Variants in NCS1 observed in about 807,000 individuals in gnomAD.
NCS1 encodes frequenin homolog.
Under a neutral mutation model 28.4 loss-of-function variants are expected in NCS1, and 6 were observed. The ratio of observed to expected loss-of-function variants is 0.21; its 90% CI spans 0.12 to 0.42. The LOEUF is 0.42. Ranked by LOEUF, NCS1 falls within the 10% of genes least tolerant of loss-of-function variation. The pLI is 1.00. For missense variants in NCS1, 131 were observed against 241.4 expected (o/e 0.54, Z 3.03); for synonymous variants, 86 against 99.3 (o/e 0.87, Z 0.79).
intron 1 of NCS1, among the ~76,000 whole-genome samples, chr9:130,185,330 C>A (rs574134389): frequency 4.8e-4 from 73 of 152,392 alleles, no homozygotes; most frequent in African/African-American, 1.7e-3. Context: ...AATGAGAAAA[C>A]AAGTACATAA....
At chr9:130,201,096 C>T in intron 2 of NCS1, 114 bp downstream of exon 2, 2 of 1,411,290 alleles carry the variant, frequency 1.4e-6, no homozygotes, top group Non-Finnish European at 1.0e-6. Context: ...GTGGAGGGGC[C>T]CCTGAGCGTG....
intron 1 of NCS1, among the ~76,000 whole-genome samples, chr9:130,194,294 C>G (rs920128852): frequency 4.8e-5 from 7 of 145,446 alleles, no homozygotes; most frequent in African/African-American, 1.8e-4. Flanking sequence ...GGAGGAGGAG[C>G]TGGAGTAGAG....
intron 1 of NCS1, among the ~76,000 whole-genome samples, chr9:130,196,517 A>G (rs1832880227): frequency 6.6e-6 from 1 of 152,146 alleles, no homozygotes; most frequent in African/African-American, 2.4e-5. Flanking sequence ...GGCGGATGGA[A>G]CACTTGAGGT....
chr9:130,188,010 G>T (rs1832762676), intron 1 of NCS1, among the ~76,000 whole-genome samples: 1 of 152,212 alleles, frequency 6.6e-6, no homozygotes, highest in Admixed American at 6.5e-5. Flanking sequence ...GATCCAAAGT[G>T]GGGAGATGGG....
chr9:130,202,414 A>G (rs910816714), intron 2 of NCS1, among the ~76,000 whole-genome samples: 1 of 134,546 alleles, frequency 7.4e-6, no homozygotes, highest in Non-Finnish European at 1.5e-5. Flanking sequence ...TCCCTGGGAC[A>G]GCCGATGACT....
rs1554909846 is a variant in NCS1 at position 130,219,192 on chromosome 9, T to C, written c.229-533T>C. Among the ~76,000 whole-genome samples, 1 of 152,106 alleles carries C rather than the reference T, an allele frequency of 6.6e-6. No individual in the cohort carries two copies. The highest frequency in any genetic ancestry group is 2.4e-5 in the African/African-American group (1 of 41,412). On this transcript the variant is annotated intron_variant, in intron 3 of 7. Coordinates refer to ENST00000372398, the MANE Select transcript of NCS1 (RefSeq NM_014286.4). This position sits in a 1 kb window ranked among gnomAD's most constrained non-coding sequence, Gnocchi z 5.7. Reference sequence around the variant, plus strand: ...TCTGTACCCCCTGCTGCTGGCACCGTGGAGGTTTCTATTCTATCCCATCCC... The same window carrying C: ...TCTGTACCCCCTGCTGCTGGCACCGCGGAGGTTTCTATTCTATCCCATCCC...
intron 2 of NCS1, among the ~76,000 whole-genome samples, chr9:130,210,269 C>T (rs961025017): frequency 3.9e-5 from 6 of 151,918 alleles, no homozygotes; most frequent in South Asian, 4.2e-4. Context: ...CATGGTGGCA[C>T]GCACCTGTAG....
intron 1 of NCS1, among the ~76,000 whole-genome samples, chr9:130,195,325 C>T (rs925643925): frequency 3.1e-4 from 47 of 152,328 alleles, no homozygotes; most frequent in African/African-American, 1.1e-3. Context: ...CCCGTTGGCC[C>T]TCTGTCGTGG....
intron 1 of NCS1, among the ~76,000 whole-genome samples, chr9:130,187,044 C>T (rs971274092): frequency 5.9e-5 from 9 of 152,214 alleles, no homozygotes; most frequent in South Asian, 4.2e-4. Flanking sequence ...CCTGGAGAGG[C>T]GGGGCGGGGG....
At chr9:130,203,419 TTGAATGAGGGA>T (rs1371241103) in intron 2 of NCS1, among the ~76,000 whole-genome samples, 3 of 152,230 alleles carry the variant, frequency 2.0e-5, no homozygotes, top group African/African-American at 7.2e-5. Flanking sequence ...GTGTGAATAT[TTGAATGAGGGA>T]TGAATGAGTG....
At chr9:130,195,951 C>G (rs1455846790) in intron 1 of NCS1, among the ~76,000 whole-genome samples, 3 of 152,194 alleles carry the variant, frequency 2.0e-5, no homozygotes, top group Admixed American at 6.5e-5. Flanking sequence ...CCCAGACCCA[C>G]CGAGGGAGGC....
At chr9:130,199,897 GTTCA>G (rs71499223) in intron 1 of NCS1, among the ~76,000 whole-genome samples, 242 of 150,620 alleles carry the variant, frequency 1.6e-3, no homozygotes, top group Admixed American at 4.0e-3. Context: ...CTGTTCATGT[GTTCA>G]TTCATTCATT....
chr9:130,183,294 TGACCATGCGGCTGGG>T (rs1364123440), intron 1 of NCS1, among the ~76,000 whole-genome samples: 1 of 145,362 alleles, frequency 6.9e-6, no homozygotes, highest in Admixed American at 7.0e-5. Context: ...CCGGGTGCCC[TGACCATGCGGCTGGG>T]GGGGGGAGCT....
rs1429473859 is a variant in NCS1, at chr9:130,233,625, A to G, written c.*653A>G. On this transcript the variant is annotated 3_prime_UTR_variant, in exon 8 of 8. Coordinates refer to ENST00000372398, the MANE Select transcript of NCS1 (RefSeq NM_014286.4). This position sits in a 1 kb window ranked among gnomAD's most constrained non-coding sequence, Gnocchi z 4.8. The stretch of plus-strand genomic sequence containing the variant: ...TGGGGAAAGTGAGGTTTTTTTTTAT[A>G]TACATATATAATTGATATCTTTAAT... 1 of 151,068 alleles carries G rather than the reference A, an allele frequency of 6.6e-6. No homozygotes were observed. The highest frequency in any genetic ancestry group is 1.5e-5 in the Non-Finnish European group (1 of 67,688). The allele number at this position is 151,068 out of a possible 1,614,324, so 9.4% of individuals were successfully genotyped here. A position where few individuals can be genotyped will look rare whatever the true frequency, so the allele number is the denominator to read the frequency against.
At chr9:130,200,850 G>A (rs887535) in intron 1 of NCS1, 108 bp from the exon 2 acceptor site, 1,436,671 of 1,517,144 alleles carry the variant, frequency 0.95, 680,656 homozygotes, top group East Asian at 1. Flanking sequence ...CCGGGGACAT[G>A]GCCGTGGGGA....
chr9:130,225,508 T>C (rs1833399633), intron 6 of NCS1, among the ~76,000 whole-genome samples: 1 of 152,232 alleles, frequency 6.6e-6, no homozygotes, highest in African/African-American at 2.4e-5. Flanking sequence ...TGCACTTCCG[T>C]CATTTTGGGA....
At chr9:130,173,111 G>A (rs1301876414) in intron 1 of NCS1, among the ~76,000 whole-genome samples, 2 of 152,054 alleles carry the variant, frequency 1.3e-5, no homozygotes, top group African/African-American at 4.8e-5. Flanking sequence ...TGGCACGAGC[G>A]CGCGGGGCTG....
intron 7 of NCS1, among the ~76,000 whole-genome samples, chr9:130,231,469 T>C (rs1271801989): frequency 1.3e-5 from 2 of 152,050 alleles, no homozygotes; most frequent in Admixed American, 1.3e-4. Context: ...CTGCAACCTC[T>C]GCCTCCTGGA....
intron 1 of NCS1, among the ~76,000 whole-genome samples, chr9:130,174,790 C>CAAAAAA (rs34473694): frequency 7.6e-5 from 7 of 91,580 alleles, no homozygotes; most frequent in Admixed American, 1.4e-4. Context: ...ACTCTGTCTC[C>CAAAAAA]AAAAAAAAAA....
Sources: allele counts gnomAD v4.1 joint callset (sites outside exome capture counted in the v4.1 genomes callset), GRCh38; gene constraint gnomAD v4.1.1; non-coding constraint Gnocchi (gnomAD v3.1); transcripts MANE v1.5; gene names NCBI Gene and HGNC (gene_info 2026-07-23, HGNC 2026-07-21).